The following AGAP1 variants were observed in gnomAD, a reference collection of about 807,000 sequenced individuals.
AGAP1 encodes the protein ArfGAP with GTPase domain, ankyrin repeat and PH domain 1.
In AGAP1, 29 loss-of-function variants were observed where a neutral mutation model predicts 105.3. The ratio of observed to expected loss-of-function variants is 0.28; its 90% confidence interval spans 0.21 to 0.38. AGAP1 has a LOEUF of 0.38. Ranked by LOEUF, AGAP1 falls within the 10% of genes least tolerant of loss-of-function variation. The pLI is 1.00. For synonymous variants in AGAP1, 509 were observed against 485.9 expected (o/e 1.05, Z -0.63); for missense variants, 998 against 1,165.1 (o/e 0.86, Z 2.09).
rs1454439855 is a variant in AGAP1 at position 235,792,354 on chromosome 2, C to G, written c.674-5405C>G. 1.3e-5 allele frequency among the ~76,000 whole-genome samples: 2 copies of G among 152,124 alleles called. No individual in the cohort carries two copies. The highest frequency in any genetic ancestry group is 4.8e-5 in the African/African-American group (2 of 41,410). On this transcript the variant is annotated intron_variant, in intron 6 of 17. Transcript: ENST00000304032. This position sits in a 1 kb window ranked among gnomAD's most constrained non-coding sequence, Gnocchi z 5.3. ...GTTCATCTGCCTATTCCAGGAGAGACTATGGTCCTTATCCAGTAGTACTAA... is the reference window on the plus strand; with the variant it reads ...GTTCATCTGCCTATTCCAGGAGAGAGTATGGTCCTTATCCAGTAGTACTAA...
chr2:235,717,779 T>C, intron 3 of AGAP1, 135 bp downstream of exon 3: 2 of 739,052 alleles, frequency 2.7e-6, no homozygotes, highest in South Asian at 3.7e-5. Context: ...TAAAAACCCT[T>C]AAGTATGTGG....
At chr2:235,910,472 T>C (rs1172371200) in intron 11 of AGAP1, among the ~76,000 whole-genome samples, 1 of 152,160 alleles carries the variant, frequency 6.6e-6, no homozygotes, top group African/African-American at 2.4e-5. Flanking sequence ...TTCCAAGACA[T>C]CCGTGAGATT....
chr2:236,024,601 A>G (rs1454734013), intron 13 of AGAP1, among the ~76,000 whole-genome samples: 1 of 152,158 alleles, frequency 6.6e-6, no homozygotes, highest in Non-Finnish European at 1.5e-5. Flanking sequence ...GTCTGCTAGA[A>G]TTCCGCAAAA....
chr2:235,815,392 T>C (rs1320430775), intron 9 of AGAP1, among the ~76,000 whole-genome samples: 2 of 152,220 alleles, frequency 1.3e-5, no homozygotes, highest in African/African-American at 2.4e-5. Flanking sequence ...TCTCTTTTTC[T>C]TATAATGATG....
rs1347472357 is a variant in AGAP1 at position 235,747,702 on chromosome 2, G to A, written c.539-2652G>A. Among the ~76,000 whole-genome samples the A allele has an allele frequency of 6.6e-6, 1 of 152,226 alleles. No homozygotes were observed. Among genetic ancestry groups the A allele is most frequent in the Non-Finnish European group, 1.5e-5 (1 of 68,040 alleles). On this transcript the variant is annotated intron_variant, in intron 5 of 17. Transcript: ENST00000304032. The surrounding 1 kb of genome is among the most constrained non-coding windows in gnomAD (Gnocchi z 5.0). ...GTCCCTGCCGCGACGCTTGCTTCCTGCGTGCAGACTTGCTCTCCGTGAAGC... is the reference window on the plus strand; with the variant it reads ...GTCCCTGCCGCGACGCTTGCTTCCTACGTGCAGACTTGCTCTCCGTGAAGC...
chr2:235,713,021 C>G (rs2149527187), intron 2 of AGAP1, among the ~76,000 whole-genome samples: 1 of 152,344 alleles, frequency 6.6e-6, no homozygotes, highest in African/African-American at 2.4e-5. Flanking sequence ...AACCAAACCC[C>G]TTCCCACTCC....
In AGAP1 at chr2:235,559,437, T is replaced by A. The variant is rs1340056561; in HGVS notation, c.163+64588T>A. Among the ~76,000 whole-genome samples, 1 of 152,224 alleles carries A rather than the reference T, an allele frequency of 6.6e-6. No homozygotes were observed. The highest frequency in any genetic ancestry group is 1.5e-5 in the Non-Finnish European group (1 of 68,036). On this transcript the variant is annotated intron_variant, in intron 1 of 17. Coordinates refer to ENST00000304032, the MANE Select transcript of AGAP1 (RefSeq NM_001037131.3). The surrounding 1 kb of genome is among the most constrained non-coding windows in gnomAD (Gnocchi z 5.7). ...TGCTTGCCGTGTGCCAGTGATTGAT[T>A]GACGTTAGTGTCGGTATCTCTCATT...
Position 235,716,236 on chromosome 2 carries a change from C to T in AGAP1, c.223-1321C>T, listed in dbSNP as rs143630686. ...TGGAGATGTGAGGATGGAGCCCTGGCGAGTCCCAGTATGTCCCTGCAGATG... is the reference window on the plus strand; with the variant it reads ...TGGAGATGTGAGGATGGAGCCCTGGTGAGTCCCAGTATGTCCCTGCAGATG... On this transcript the variant is annotated intron_variant, in intron 2 of 17. Transcript: ENST00000304032. This position sits in a 1 kb window ranked among gnomAD's most constrained non-coding sequence, Gnocchi z 4.0. Among the ~76,000 whole-genome samples the T allele has an allele frequency of 2.9e-4, 44 of 152,174 alleles. No homozygotes were observed. Among genetic ancestry groups the T allele is most frequent in the Non-Finnish European group, 4.7e-4 (32 of 68,002 alleles).
chr2:235,759,989 C>A (rs1954300451), intron 6 of AGAP1, among the ~76,000 whole-genome samples: 1 of 152,066 alleles, frequency 6.6e-6, no homozygotes, highest in Admixed American at 6.5e-5. Context: ...AAAATTCTTA[C>A]CCTCATGAAG....
chr2:236,004,644 A>G (rs530998859), intron 13 of AGAP1, among the ~76,000 whole-genome samples: 1 of 152,332 alleles, frequency 6.6e-6, no homozygotes, highest in East Asian at 1.9e-4. Flanking sequence ...TTGCCTCCAA[A>G]GAATATTAGT....
At chr2:235,558,214 G>C (rs1480043418) in intron 1 of AGAP1, among the ~76,000 whole-genome samples, 1 of 152,148 alleles carries the variant, frequency 6.6e-6, no homozygotes, top group African/African-American at 2.4e-5. Flanking sequence ...GTAGAGGTGG[G>C]TGGGATGCTC....
chr2:235,947,067 T>C (rs977190045), intron 12 of AGAP1, among the ~76,000 whole-genome samples: 3 of 152,186 alleles, frequency 2.0e-5, no homozygotes, highest in African/African-American at 7.2e-5. Context: ...TGTGATTCCT[T>C]TTTTCTGGTT....
intron 1 of AGAP1, among the ~76,000 whole-genome samples, chr2:235,579,145 G>A (rs899960750): frequency 2.0e-5 from 3 of 152,160 alleles, no homozygotes; most frequent in Non-Finnish European, 4.4e-5. Flanking sequence ...GTTTACTGTC[G>A]TAAAACTTTC....
chr2:235,995,468 A>T (rs994970846), intron 13 of AGAP1, among the ~76,000 whole-genome samples: 1 of 152,188 alleles, frequency 6.6e-6, no homozygotes, highest in South Asian at 2.1e-4. Context: ...GAGCCGAGAT[A>T]GTGCCACTGC....
chr2:235,619,193 G>A (rs776039502), intron 1 of AGAP1, among the ~76,000 whole-genome samples: 10 of 152,222 alleles, frequency 6.6e-5, no homozygotes, highest in Admixed American at 1.3e-4. Flanking sequence ...AAGCCACCAA[G>A]TTTGTGGTTT....
At chr2:235,950,152 A>G (rs1421955423) in intron 12 of AGAP1, among the ~76,000 whole-genome samples, 1 of 152,078 alleles carries the variant, frequency 6.6e-6, no homozygotes, top group African/African-American at 2.4e-5. Flanking sequence ...TGAGTGTAAA[A>G]GTCTAGCCTG....
rs1204582694 is a variant in AGAP1, at chr2:235,936,458, G to T, written c.1483+5535G>T. 6.6e-6 allele frequency among the ~76,000 whole-genome samples: 1 copy of T among 152,196 alleles called. No homozygotes were observed. Among genetic ancestry groups the T allele is most frequent in the East Asian group, 1.9e-4 (1 of 5,202 alleles). On this transcript the variant is annotated intron_variant, in intron 12 of 17. Transcript: ENST00000304032. The surrounding 1 kb of genome is among the most constrained non-coding windows in gnomAD (Gnocchi z 4.7). ...AAATGTCTTTTCTCATTATAAAAAT[G>T]TTTTGCACGTCGATTTTGATGATGG...
intron 13 of AGAP1, among the ~76,000 whole-genome samples, chr2:236,004,255 G>T (rs2056238807): frequency 1.3e-5 from 2 of 152,092 alleles, no homozygotes; most frequent in Non-Finnish European, 2.9e-5. Flanking sequence ...GTGCCTCGGT[G>T]AATTTCACAA....
intron 1 of AGAP1, among the ~76,000 whole-genome samples, chr2:235,537,566 C>T (rs758712453): frequency 1.3e-4 from 20 of 152,262 alleles, no homozygotes; most frequent in Non-Finnish European, 2.5e-4. Flanking sequence ...TTGCTGGGCA[C>T]GTGTAAAATA....
Sources: allele counts gnomAD v4.1 joint callset (sites outside exome capture counted in the v4.1 genomes callset), GRCh38; gene constraint gnomAD v4.1.1; non-coding constraint Gnocchi (gnomAD v3.1); transcripts MANE v1.5; gene names NCBI Gene and HGNC (gene_info 2026-07-23, HGNC 2026-07-21).